The following LHFPL2 variants were observed in gnomAD, a reference collection of about 807,000 sequenced individuals.
LHFPL2 encodes the protein LHFPL tetraspan subfamily member 2 protein.
A neutral mutation model predicts 17.5 loss-of-function variants in LHFPL2; 7 were observed. That is an observed-to-expected ratio of 0.40 (90% confidence interval 0.23 to 0.75). LHFPL2 has a LOEUF of 0.75. Ranked by LOEUF, LHFPL2 falls within the 30% of genes least tolerant of loss-of-function variation. The pLI is 0.37. For missense variants in LHFPL2, 241 were observed against 294.8 expected (o/e 0.82, Z 1.34); for synonymous variants, 134 against 116.2 (o/e 1.15, Z -0.99).
intron 2 of LHFPL2, among the ~76,000 whole-genome samples, chr5:78,596,793 T>G (rs1201896852): frequency 6.8e-6 from 1 of 146,236 alleles, no homozygotes; most frequent in Non-Finnish European, 1.5e-5. Flanking sequence ...TTGTCAGTCA[T>G]AAGCAAAAAT....
intron 3 of LHFPL2, among the ~76,000 whole-genome samples, chr5:78,553,461 T>C (rs117153666): frequency 1.3e-5 from 2 of 152,320 alleles, no homozygotes; most frequent in East Asian, 1.9e-4. Context: ...AAGGACACTT[T>C]GGTACTGTTG....
rs373550653 is a variant in LHFPL2, at chr5:78,488,913, A to G, written c.671T>C (p.Leu224Pro). ...VQEEIEEGKN[L>P]ICLL ...TCTTCCAAACTAAAGGAGGCAGATC[A>G]GATTTTTCCCCTCTTCAATTTCTTC... The change falls in exon 5 of 5, where the codon CTG becomes CCG. Residue 224 changes from leucine (L) to proline (P), a missense_variant. Leu to Pro is a moderately conservative substitution (Grantham distance 98, BLOSUM62 -3). Coordinates refer to ENST00000380345, the MANE Select transcript of LHFPL2 (RefSeq NM_005779.3). 1.2e-5 allele frequency: 19 copies of G among 1,613,982 alleles called. No individual in the cohort carries two copies. The highest frequency in any genetic ancestry group is 1.5e-5 in the Non-Finnish European group (18 of 1,179,948).
chr5:78,521,153 C>G (rs1346565), intron 3 of LHFPL2, among the ~76,000 whole-genome samples: 64,595 of 152,024 alleles, frequency 0.42, 14,097 homozygotes, highest in East Asian at 0.67. Flanking sequence ...GACTTAGCTT[C>G]AGGCAAGAGT....
intron 2 of LHFPL2, among the ~76,000 whole-genome samples, chr5:78,569,970 A>G (rs1580815661): frequency 6.6e-6 from 1 of 152,336 alleles, no homozygotes; most frequent in African/African-American, 2.4e-5. Flanking sequence ...ATTCAATTAT[A>G]CTGCTTTTTA....
intron 4 of LHFPL2, among the ~76,000 whole-genome samples, chr5:78,508,414 T>C (rs1400026604): frequency 6.6e-6 from 1 of 152,188 alleles, no homozygotes; most frequent in Non-Finnish European, 1.5e-5. Context: ...GCCTGGTGTC[T>C]GGATGGTGTA....
chr5:78,554,827 C>T (rs116063125), intron 3 of LHFPL2, among the ~76,000 whole-genome samples: 1,650 of 152,258 alleles, frequency 0.011, 26 homozygotes, highest in African/African-American at 0.036. Context: ...ATTTCAGGGG[C>T]CATTTCCAAC....
At position 78,488,287 on chromosome 5, in the gene LHFPL2, A is replaced by T. The variant is rs1194267479; in HGVS notation, c.*610T>A. 6.5e-6 allele frequency: 1 copy of T among 153,780 alleles called. No homozygotes were observed. Among genetic ancestry groups the T allele is most frequent in the Non-Finnish European group, 1.4e-5 (1 of 69,100 alleles). The allele number at this position is 153,780 out of a possible 1,614,324, so 9.5% of individuals were successfully genotyped here. A position where few individuals can be genotyped will look rare whatever the true frequency, so the allele number is the denominator to read the frequency against. ...AATCTCTGGAGTGACAGTTCAGTTG[A>T]TCCACCTTACCCTAGGATTCAGCCT... On this transcript the variant is annotated 3_prime_UTR_variant, in exon 5 of 5. Transcript: ENST00000380345.
At chr5:78,496,452 C>G (rs1297317142) in intron 4 of LHFPL2, among the ~76,000 whole-genome samples, 1 of 152,194 alleles carries the variant, frequency 6.6e-6, no homozygotes, top group South Asian at 2.1e-4. Context: ...ACATCAATTT[C>G]TCTTATAACA....
chr5:78,593,593 G>T (rs72760993), intron 2 of LHFPL2, among the ~76,000 whole-genome samples: 2,721 of 152,260 alleles, frequency 0.018, 85 homozygotes, highest in Non-Finnish European at 0.019. Flanking sequence ...AAACATATGG[G>T]TAACAGGTGA....
At chr5:78,553,615 TAATAAAATAG>T (rs1756501500) in intron 3 of LHFPL2, among the ~76,000 whole-genome samples, 1 of 152,204 alleles carries the variant, frequency 6.6e-6, no homozygotes, top group Non-Finnish European at 1.5e-5. Context: ...GATTCCGCAT[TAATAAAATAG>T]GAATAGAAAA....
chr5:78,624,595 T>A (rs1435439738), intron 2 of LHFPL2, among the ~76,000 whole-genome samples: 1 of 152,222 alleles, frequency 6.6e-6, no homozygotes, highest in African/African-American at 2.4e-5. Context: ...TAAATAACAT[T>A]TCTTGATTTT....
In LHFPL2 at chr5:78,560,643, G is replaced by T. The variant is rs1396365417; in HGVS notation, c.-186+4170C>A. 2.0e-5 allele frequency among the ~76,000 whole-genome samples: 3 copies of T among 152,360 alleles called. No homozygotes were observed. In the East Asian group the frequency reaches 5.8e-4, roughly 29 times the overall value. ...ATGAGGCAGTGGAGGCCAAAGGACT[G>T]CAAGGAAAGTAAAAACAGACCTTAA... On this transcript the variant is annotated intron_variant, in intron 3 of 4. Transcript: ENST00000380345.
At chr5:78,550,197 C>T (rs1197967321) in intron 3 of LHFPL2, among the ~76,000 whole-genome samples, 2 of 152,210 alleles carry the variant, frequency 1.3e-5, no homozygotes, top group Non-Finnish European at 2.9e-5. Flanking sequence ...TCTGGAGCCT[C>T]CCATACAATT....
chr5:78,561,516 C>G (rs1756725600), intron 3 of LHFPL2, among the ~76,000 whole-genome samples: 1 of 152,236 alleles, frequency 6.6e-6, no homozygotes, highest in African/African-American at 2.4e-5. Context: ...GGAGTCCCAC[C>G]TTGTGGGGTC....
chr5:78,584,149 C>CT (rs1487089944), intron 2 of LHFPL2, among the ~76,000 whole-genome samples: 1 of 149,290 alleles, frequency 6.7e-6, no homozygotes, highest in Non-Finnish European at 1.5e-5. Context: ...CCTTTAAGCA[C>CT]TTCTCTGTAT....
intron 1 of LHFPL2, chr5:78,642,206 T>C (rs1745692111): frequency 6.6e-6 from 1 of 152,168 alleles, no homozygotes; most frequent in Non-Finnish European, 1.5e-5. Context: ...GTATCTCATC[T>C]AAGCCTAATT....
At chr5:78,615,133 G>GTCTC (rs935724037) in intron 2 of LHFPL2, among the ~76,000 whole-genome samples, 9 of 152,254 alleles carry the variant, frequency 5.9e-5, no homozygotes, top group African/African-American at 2.2e-4. Flanking sequence ...AGGATCCCTG[G>GTCTC]TCTCTATTCC....
chr5:78,626,760 T>G (rs902584170), intron 2 of LHFPL2: 4 of 151,512 alleles, frequency 2.6e-5, no homozygotes, highest in African/African-American at 9.7e-5. Flanking sequence ...CAAGAGAAGT[T>G]TTTTTTTTCT....
intron 2 of LHFPL2, among the ~76,000 whole-genome samples, chr5:78,570,268 T>C (rs1756961966): frequency 6.6e-6 from 1 of 152,152 alleles, no homozygotes. Context: ...TCAGGCTATG[T>C]AGAAGAAAGA....
Sources: allele counts gnomAD v4.1 joint callset (sites outside exome capture counted in the v4.1 genomes callset), GRCh38; gene constraint gnomAD v4.1.1; transcripts MANE v1.5; gene names NCBI Gene and HGNC (gene_info 2026-07-23, HGNC 2026-07-21).